The following WDR59 variants were observed in gnomAD, a reference collection of about 807,000 sequenced individuals.
The protein encoded by WDR59 is GATOR2 complex protein WDR59.
WDR59 carries 100 observed loss-of-function variants against 131.2 expected under a neutral mutation model. The ratio of observed to expected loss-of-function variants is 0.76; its 90% CI spans 0.65 to 0.90. WDR59 has a LOEUF of 0.90. Among genes scored for constraint, WDR59 ranks in the 40% least tolerant of loss-of-function variants. WDR59 has a pLI of 0.00. For synonymous variants in WDR59, 601 were observed against 466.2 expected (o/e 1.29, Z -3.72); for missense variants, 1,203 against 1,262.2 (o/e 0.95, Z 0.71).
intron 17 of WDR59, among the ~76,000 whole-genome samples, chr16:74,907,654 G>A (rs572943014): frequency 1.2e-4 from 18 of 152,272 alleles, no homozygotes; most frequent in African/African-American, 3.8e-4. Flanking sequence ...TGTATCCAGC[G>A]CCTTCAGGGG....
chr16:74,906,258 G>C (rs535390267), intron 17 of WDR59, among the ~76,000 whole-genome samples: 39 of 128,536 alleles, frequency 3.0e-4, no homozygotes, highest in African/African-American at 1.1e-3. Flanking sequence ...AGCTTGCAGT[G>C]AGCTGAGATC....
At chr16:74,906,808 A>C (rs1415011591) in intron 17 of WDR59, among the ~76,000 whole-genome samples, 3 of 152,186 alleles carry the variant, frequency 2.0e-5, no homozygotes, top group African/African-American at 7.2e-5. Flanking sequence ...CCATGACAGA[A>C]GTCAAGAGAG....
At chr16:74,901,133 G>A (rs970060246) in intron 18 of WDR59, among the ~76,000 whole-genome samples, 1 of 151,986 alleles carries the variant, frequency 6.6e-6, no homozygotes, top group Admixed American at 6.6e-5. Context: ...TACTGGCTGG[G>A]TGAGATGGCT....
intron 16 of WDR59, among the ~76,000 whole-genome samples, chr16:74,909,225 C>T (rs558647889): frequency 3.9e-5 from 6 of 152,082 alleles, no homozygotes; most frequent in Admixed American, 6.5e-5. Flanking sequence ...CCCTACCAGG[C>T]GAATGCCCCC....
intron 4 of WDR59, 108 bp downstream of exon 4, chr16:74,951,350 T>C (rs747606903): frequency 2.7e-6 from 3 of 1,113,294 alleles, no homozygotes; most frequent in Non-Finnish European, 4.0e-6. Flanking sequence ...CCGGGACCTG[T>C]GCAACACAGA....
At chr16:74,969,268 T>C (rs187628098) in intron 1 of WDR59, among the ~76,000 whole-genome samples, 1 of 152,150 alleles carries the variant, frequency 6.6e-6, no homozygotes, top group African/African-American at 2.4e-5. Context: ...ATATATATAT[T>C]ATACATATTT....
chr16:74,952,767 T>TTATA (rs138680098), intron 3 of WDR59, among the ~76,000 whole-genome samples: 6,616 of 147,580 alleles, frequency 0.045, 208 homozygotes, highest in Middle Eastern at 0.12. Context: ...ATTTTTTAAA[T>TTATA]TATATATATA....
intron 20 of WDR59, among the ~76,000 whole-genome samples, chr16:74,892,140 G>A (rs1336300828): frequency 6.6e-6 from 1 of 152,062 alleles, no homozygotes; most frequent in African/African-American, 2.4e-5. Flanking sequence ...GAGCACTTTG[G>A]TAAATATTTC....
intron 10 of WDR59, among the ~76,000 whole-genome samples, chr16:74,919,716 G>C (rs1245886987): frequency 6.6e-6 from 1 of 152,066 alleles, no homozygotes; most frequent in African/African-American, 2.4e-5. Context: ...TCTACATTTT[G>C]ATCTATCAGC....
At chr16:74,935,138 G>A (rs1217685069) in intron 8 of WDR59, among the ~76,000 whole-genome samples, 1 of 152,040 alleles carries the variant, frequency 6.6e-6, no homozygotes, top group Non-Finnish European at 1.5e-5. Context: ...GCTGAGACAT[G>A]AGAATTGCTT....
At position 74,889,603 on chromosome 16, in the gene WDR59, C is replaced by T. The variant is rs942221944; in HGVS notation, c.2195+100G>A. ...GATCCTACTCCTTCCTTTCATTCCT[C>T]GGGCCTCTGCACCTTTCTCTTAGGT... On this transcript the variant is annotated intron_variant, in intron 21 of 25. Coordinates refer to ENST00000262144, the MANE Select transcript of WDR59 (RefSeq NM_030581.4). The T allele has an allele frequency of 3.7e-5, 32 of 856,466 alleles. 1 individual carries two copies. The highest frequency in any genetic ancestry group is 4.9e-5 in the East Asian group (2 of 40,436). The allele number at this position is 856,466 out of a possible 1,614,324, so 53.1% of individuals were successfully genotyped here. A position where few individuals can be genotyped will look rare whatever the true frequency, so the allele number is the denominator to read the frequency against.
At chr16:74,929,343 G>T (rs890399010) in intron 8 of WDR59, among the ~76,000 whole-genome samples, 5 of 152,108 alleles carry the variant, frequency 3.3e-5, no homozygotes, top group Non-Finnish European at 5.9e-5. Context: ...CCAAAGTGCT[G>T]GGATTATAGG....
Position 74,893,727 on chromosome 16 carries a change from T to A in WDR59, c.1952A>T (p.Asp651Val). 2 of 1,614,078 alleles carry A rather than the reference T, an allele frequency of 1.2e-6. No individual in the cohort carries two copies. Among genetic ancestry groups the A allele is most frequent in the African/African-American group, 1.3e-5 (1 of 75,014 alleles). ...IKAAGKVIIQDIACLLPVHKS... is the reference protein window; with the variant it reads ...IKAAGKVIIQVIACLLPVHKS... ...GTGAACAGGCAGGAGGCAAGCAATATCCTGGATGATGACTTTCCCAGCAGC... is the reference window on the plus strand; with the variant it reads ...GTGAACAGGCAGGAGGCAAGCAATAACCTGGATGATGACTTTCCCAGCAGC... The change falls in exon 19 of 26, where the codon GAT (aspartate) becomes GTT (valine). Residue 651 changes from aspartate to valine, a missense_variant. By Grantham distance (152) the Asp-to-Val change is radical (BLOSUM62 -3). Coordinates refer to ENST00000262144, the MANE Select transcript of WDR59 (RefSeq NM_030581.4).
intron 8 of WDR59, among the ~76,000 whole-genome samples, chr16:74,927,908 C>CTTTTT (rs539167503): frequency 5.9e-4 from 73 of 124,472 alleles, no homozygotes; most frequent in African/African-American, 1.1e-3. Context: ...TTCTTTCTTT[C>CTTTTT]TTTTTTTTTT....
chr16:74,985,050 G>T lies in WDR59; in HGVS notation c.-33C>A. ...GCCCGGCCGCCGCGGCCCCAGGACG[G>T]CGCCCTCCCACCCCGCCGTCCCCAG... On this transcript the variant is annotated 5_prime_UTR_variant, in exon 1 of 26. Coordinates refer to ENST00000262144, the MANE Select transcript of WDR59 (RefSeq NM_030581.4). The T allele has an allele frequency of 6.4e-7, 1 of 1,551,276 alleles. No individual in the cohort carries two copies. Among genetic ancestry groups the T allele is most frequent in the Non-Finnish European group, 8.7e-7 (1 of 1,145,862 alleles).
Position 74,915,863 on chromosome 16 carries a change from T to A in WDR59, c.1224+7A>T, listed in dbSNP as rs1472589945. On this transcript the variant is annotated splice_region_variant and intron_variant, in intron 13 of 25. Transcript: ENST00000262144. Reference sequence around the variant, plus strand: ...AAACATGAGATACAGTTGATTAAACTAAGTACCTCCACATTGACATTCCGG... The same window carrying A: ...AAACATGAGATACAGTTGATTAAACAAAGTACCTCCACATTGACATTCCGG... 3 of 1,614,206 alleles carry A rather than the reference T, an allele frequency of 1.9e-6. No individual in the cohort carries two copies. The highest frequency in any genetic ancestry group is 2.5e-6 in the Non-Finnish European group (3 of 1,180,020).
At position 74,903,950 on chromosome 16, in the gene WDR59, C is replaced by G; in HGVS notation, c.1863G>C (p.Glu621Asp). The change falls in exon 18 of 26, where the codon GAG (glutamate) becomes GAC (aspartate). Residue 621 changes from glutamate (E) to aspartate (D), a missense_variant. By Grantham distance (45) the Glu-to-Asp change is conservative. Coordinates refer to ENST00000262144, the MANE Select transcript of WDR59 (RefSeq NM_030581.4). ...AGGCTACGGCTCTGGCACTTACCCG[C>G]TCCTTGTAGTAGAAGGAGCTGATGG... Reference protein sequence around the residue: ...QVSISSFYYKERKSRRWKSKR... With the variant: ...QVSISSFYYKDRKSRRWKSKR... The G allele has an allele frequency of 6.2e-7, 1 of 1,606,998 alleles. No individual in the cohort carries two copies. Among genetic ancestry groups the G allele is most frequent in the Non-Finnish European group, 8.5e-7 (1 of 1,177,348 alleles).
At chr16:74,979,261 G>T (rs919070701) in intron 1 of WDR59, 2 of 151,378 alleles carry the variant, frequency 1.3e-5, no homozygotes, top group Admixed American at 6.6e-5. Flanking sequence ...TCAGGAGATT[G>T]AGACAATCCT....
Position 74,918,927 on chromosome 16 carries a change from C to T in WDR59, c.887-919G>A, listed in dbSNP as rs144546151. ...TCAATATTTCATACATCACTAGGCA[C>T]AGCCAGCCAGACAGCAACTATTCTG... On this transcript the variant is annotated intron_variant, in intron 10 of 25. Transcript: ENST00000262144. 3.5e-3 allele frequency among the ~76,000 whole-genome samples: 535 copies of T among 152,258 alleles called. 2 individuals are homozygous for T. Among genetic ancestry groups the T allele is most frequent in the African/African-American group, 0.012 (512 of 41,540 alleles).
Sources: allele counts gnomAD v4.1 joint callset (sites outside exome capture counted in the v4.1 genomes callset), GRCh38; gene constraint gnomAD v4.1.1; transcripts MANE v1.5; gene names NCBI Gene and HGNC (gene_info 2026-07-23, HGNC 2026-07-21).